Variants in PJA2 observed in about 807,000 individuals in gnomAD.
The protein encoded by PJA2 is E3 ubiquitin-protein ligase Praja-2.
In PJA2, 25 loss-of-function variants were observed where a neutral mutation model predicts 69.3. The ratio of observed to expected loss-of-function variants is 0.36; its 90% CI spans 0.26 to 0.50. PJA2 has a LOEUF of 0.50. Ranked by LOEUF, PJA2 falls within the 20% of genes least tolerant of loss-of-function variation. The pLI, the probability that PJA2 is intolerant of heterozygous loss-of-function variation, is 0.96. For missense variants in PJA2, 809 were observed against 830.2 expected (o/e 0.97, Z 0.31); for synonymous variants, 308 against 277.8 (o/e 1.11, Z -1.08).
rs763083026 is a variant in PJA2, at chr5:109,378,314, A to G, written c.1173T>C (p.Asn391=). ...SRVITQRETE[N]NQMTSESGAT... is the part of the protein sequence containing the mutation. ...CTCCACTTTCTGATGTCATTTGGTT[A>G]TTTTCTGTTTCCCTTTGTGTAATAA... is the stretch of plus-strand genomic sequence containing the variant. The change falls in exon 4 of 10, where the codon AAT becomes AAC. Residue 391 remains asparagine, a synonymous_variant. Transcript: ENST00000361189. The G allele has an allele frequency of 2.3e-5, 37 of 1,613,936 alleles. No individual in the cohort carries two copies. The highest frequency in any genetic ancestry group is 3.1e-5 in the Non-Finnish European group (36 of 1,179,956).
Position 109,335,004 on chromosome 5 carries a change from A to C in PJA2, c.*2227T>G, listed in dbSNP as rs948076353. 10 of 152,630 alleles carry C rather than the reference A, an allele frequency of 6.6e-5. No individual in the cohort carries two copies. The highest frequency in any genetic ancestry group is 1.9e-4 in the African/African-American group (8 of 41,464). 9.5% of individuals were successfully genotyped at this position (152,630 alleles called of 1,614,324 possible). On this transcript the variant is annotated 3_prime_UTR_variant, in exon 10 of 10. Coordinates refer to ENST00000361189, the MANE Select transcript of PJA2 (RefSeq NM_014819.5). ...ATGTTAAAAAAATAAAATTAGGTTAAGTCACAACATAAAATAGAGAAATAA... is the reference window on the plus strand; with the variant it reads ...ATGTTAAAAAAATAAAATTAGGTTACGTCACAACATAAAATAGAGAAATAA...
intron 7 of PJA2, among the ~76,000 whole-genome samples, chr5:109,347,073 G>T (rs1762182722): frequency 6.6e-6 from 1 of 152,034 alleles, no homozygotes; most frequent in Non-Finnish European, 1.5e-5. Flanking sequence ...GCAAAATCAG[G>T]ACTAAAAAAG....
Position 109,381,566 on chromosome 5 carries a change from C to G in PJA2, c.169G>C (p.Gly57Arg). The stretch of plus-strand genomic sequence containing the variant: ...ACTTCATAGTCATCACCAGCCCGAC[C>G]TAAGCTTCTTTCATGTCTGGTCATA... Reference protein sequence around the residue: ...PCMTRHERSLGRAGDDYEVLE... With the variant: ...PCMTRHERSLRRAGDDYEVLE... Residue 57 changes from glycine (G) to arginine (R), a missense_variant, in exon 3 of 10, where the codon GGT becomes CGT. By Grantham distance (125) the Gly-to-Arg change is moderately radical. Around this residue, in one of 4 missense-constraint regions of PJA2, gnomAD observed 700 missense variants for 639.5 expected, o/e 1.09. Transcript: ENST00000361189. 6.2e-7 allele frequency: 1 copy of G among 1,614,076 alleles called. No individual in the cohort carries two copies. The highest frequency in any genetic ancestry group is 8.5e-7 in the Non-Finnish European group (1 of 1,180,000).
chr5:109,367,393 TA>T (rs1028961676), intron 5 of PJA2, among the ~76,000 whole-genome samples: 17 of 149,536 alleles, frequency 1.1e-4, no homozygotes, highest in Admixed American at 5.3e-4. Flanking sequence ...GTTCTTTTCC[TA>T]AAAAAAAACA....
intron 1 of PJA2, among the ~76,000 whole-genome samples, chr5:109,385,172 T>C (rs1465487956): frequency 1.3e-5 from 2 of 152,216 alleles, no homozygotes; most frequent in African/African-American, 4.8e-5. Flanking sequence ...ACAGAAGAGA[T>C]ATTTGACTTC....
intron 1 of PJA2, among the ~76,000 whole-genome samples, chr5:109,386,524 C>A (rs1747162022): frequency 6.6e-6 from 1 of 152,188 alleles, no homozygotes; most frequent in East Asian, 1.9e-4. Flanking sequence ...AGCCGTCTAA[C>A]ATCCTGATCT....
intron 9 of PJA2, among the ~76,000 whole-genome samples, chr5:109,338,894 T>A (rs1166893117): frequency 6.6e-6 from 1 of 152,216 alleles, no homozygotes; most frequent in Non-Finnish European, 1.5e-5. Context: ...TAACAGTGAC[T>A]GACACACAGC....
chr5:109,354,054 C>T lies in PJA2; in HGVS notation c.1764+1861G>A, dbSNP rs556610099. On this transcript the variant is annotated intron_variant, in intron 7 of 9. Transcript: ENST00000361189. Reference sequence around the variant, plus strand: ...CTAGAGATATCTATAGATTAGATATCTATGATATCTAGAGATATCTATAGA... The same window carrying T: ...CTAGAGATATCTATAGATTAGATATTTATGATATCTAGAGATATCTATAGA... Among the ~76,000 whole-genome samples, 31 of 130,142 alleles carry T rather than the reference C, an allele frequency of 2.4e-4. 2 individuals carry two copies. In the South Asian group the frequency reaches 5.0e-3, roughly 21 times the overall value. 85.4% of individuals were successfully genotyped at this position (130,142 alleles called of 152,430 possible).
chr5:109,366,957 C>A (rs1005057623), intron 5 of PJA2, among the ~76,000 whole-genome samples: 2 of 151,908 alleles, frequency 1.3e-5, no homozygotes, highest in African/African-American at 2.4e-5. Context: ...CATGGTGAAA[C>A]CCCATCTCTA....
At chr5:109,405,780 A>G (rs922382636) in intron 1 of PJA2, among the ~76,000 whole-genome samples, 2 of 152,192 alleles carry the variant, frequency 1.3e-5, no homozygotes, top group Non-Finnish European at 2.9e-5. Context: ...AAACTAGAAA[A>G]CTTATAGAAA....
At chr5:109,370,427 C>G (rs1762658047) in intron 4 of PJA2, among the ~76,000 whole-genome samples, 1 of 152,160 alleles carries the variant, frequency 6.6e-6, no homozygotes, top group Non-Finnish European at 1.5e-5. Context: ...AACAGTAGCA[C>G]TAATCTAAGC....
chr5:109,351,403 CA>C (rs1401990868), intron 7 of PJA2, among the ~76,000 whole-genome samples: 5 of 151,970 alleles, frequency 3.3e-5, no homozygotes, highest in African/African-American at 1.2e-4. Flanking sequence ...AAACACTTAC[CA>C]AAATTCATAA....
chr5:109,354,068 GATATCTATAGATTAGATATCT>G lies in PJA2; in HGVS notation c.1764+1826_1764+1846del, dbSNP rs1762343934. ...AGATTAGATATCTATGATATCTAGAGATATCTATAGATTAGATATCTATATCTAGAGATATCTATAGATTAG... is the reference window on the plus strand; with the variant it reads ...AGATTAGATATCTATGATATCTAGAGATATCTAGAGATATCTATAGATTAG... On this transcript the variant is annotated intron_variant, in intron 7 of 9. Transcript: ENST00000361189. Among the ~76,000 whole-genome samples, 3 of 130,602 alleles carry G rather than the reference GATATCTATAGATTAGATATCT, an allele frequency of 2.3e-5. No individual in the cohort carries two copies. The South Asian group carries it at 7.2e-4, about 31-fold the overall frequency. 85.7% of individuals were successfully genotyped at this position (130,602 alleles called of 152,430 possible).
At chr5:109,349,903 T>A (rs1762221664) in intron 7 of PJA2, among the ~76,000 whole-genome samples, 1 of 152,222 alleles carries the variant, frequency 6.6e-6, no homozygotes, top group Admixed American at 6.5e-5. Context: ...AAGATCCTGT[T>A]ATCAGTCCCT....
chr5:109,337,574 T>C (rs186500034), intron 9 of PJA2, among the ~76,000 whole-genome samples: 59 of 152,308 alleles, frequency 3.9e-4, no homozygotes, highest in Non-Finnish European at 6.8e-4. Context: ...ATGTCTCTTA[T>C]TCATGTTCGT....
Position 109,378,989 on chromosome 5 carries a change from G to T in PJA2, c.498C>A (p.Asp166Glu). 1 of 1,614,128 alleles carries T rather than the reference G, an allele frequency of 6.2e-7. No homozygotes were observed. Among genetic ancestry groups the T allele is most frequent in the Non-Finnish European group, 8.5e-7 (1 of 1,180,006 alleles). ...CATGTTTGCCATCTGGATCATAAGA[G>T]TCTGTATGAACCAATGCAATTCCAT... ...VQNGIALVHT[D>E]SYDPDGKHGE... Residue 166 changes from aspartate to glutamate, a missense_variant, in exon 4 of 10, where the codon GAC becomes GAA. Asp to Glu is a conservative substitution (Grantham distance 45, BLOSUM62 2). This residue lies in a region of PJA2 where 700 missense variants were observed against 639.5 expected (regional missense o/e 1.09). Transcript: ENST00000361189.
In PJA2 at chr5:109,356,042, AAT is replaced by A. The variant is rs1491134490; in HGVS notation, c.1653-18_1653-17del. On this transcript the variant is annotated splice_polypyrimidine_tract_variant and intron_variant, in intron 6 of 9. Transcript: ENST00000361189. Reference sequence around the variant, plus strand: ...ATCAAATAGGCTGAAAAAAAAAAAAAATAACAGAAAAAACTCACCACTATGAT... The same window carrying A: ...ATCAAATAGGCTGAAAAAAAAAAAAAAACAGAAAAAACTCACCACTATGAT... The A allele has an allele frequency of 6.4e-7, 1 of 1,555,892 alleles. No homozygotes were observed. The highest frequency in any genetic ancestry group is 1.4e-5 in the African/African-American group (1 of 72,520).
At chr5:109,370,519 C>T (rs941464384) in intron 4 of PJA2, among the ~76,000 whole-genome samples, 2 of 152,076 alleles carry the variant, frequency 1.3e-5, no homozygotes, top group South Asian at 2.1e-4. Flanking sequence ...ATTAACATCC[C>T]GGAGAAGGAA....
intron 7 of PJA2, among the ~76,000 whole-genome samples, chr5:109,348,512 G>T (rs983466795): frequency 1.3e-5 from 2 of 152,156 alleles, no homozygotes; most frequent in Admixed American, 1.3e-4. Context: ...TGATAACTTT[G>T]AATCCCCAAG....
Sources: allele counts gnomAD v4.1 joint callset (sites outside exome capture counted in the v4.1 genomes callset), GRCh38; gene constraint gnomAD v4.1.1; regional missense constraint gnomAD v4.1.1; transcripts MANE v1.5; gene names NCBI Gene and HGNC (gene_info 2026-07-23, HGNC 2026-07-21).